The following ZCCHC24 variants were observed in gnomAD, a reference collection of about 807,000 sequenced individuals.
ZCCHC24 encodes zinc finger CCHC-type containing 24.
In ZCCHC24, 10 loss-of-function variants were observed where a neutral mutation model predicts 26.2. The ratio of observed to expected loss-of-function variants is 0.38; its 90% CI spans 0.24 to 0.65. The LOEUF is 0.65. Among genes scored for constraint, ZCCHC24 ranks in the 30% least tolerant of loss-of-function variants. The pLI, the probability that ZCCHC24 is intolerant of heterozygous loss-of-function variation, is 0.54. For synonymous variants in ZCCHC24, 144 were observed against 147.1 expected (o/e 0.98, Z 0.15); for missense variants, 243 against 329.1 (o/e 0.74, Z 2.03).
At chr10:79,416,786 C>T (rs1856867188) in intron 2 of ZCCHC24, among the ~76,000 whole-genome samples, 1 of 152,186 alleles carries the variant, frequency 6.6e-6, no homozygotes, top group South Asian at 2.1e-4. Context: ...CTCTGTGCCT[C>T]AGTTTCCTCC....
At chr10:79,416,198 G>A (rs10824754) in intron 2 of ZCCHC24, among the ~76,000 whole-genome samples, 43,768 of 152,038 alleles carry the variant, frequency 0.29, 6,842 homozygotes, top group South Asian at 0.42. Context: ...AGACCTACAC[G>A]GCAGCCTAGA....
intron 2 of ZCCHC24, among the ~76,000 whole-genome samples, chr10:79,417,722 G>A (rs1337270887): frequency 3.3e-5 from 5 of 152,198 alleles, no homozygotes; most frequent in African/African-American, 4.8e-5. Flanking sequence ...CAAATGAGAC[G>A]AAGGTGCTCC....
rs1244877851 is a variant in ZCCHC24, at chr10:79,386,295, C to T, written c.*50G>A. On this transcript the variant is annotated 3_prime_UTR_variant, in exon 4 of 4. Transcript: ENST00000372336. ...CCCTCGGAGTAGCACAGGGAAGCAG[C>T]GTCTCCTCGGGCTGGCGGGGGGTGG... 1.2e-5 allele frequency: 18 copies of T among 1,551,584 alleles called. No individual in the cohort carries two copies. Among genetic ancestry groups the T allele is most frequent in the African/African-American group, 5.4e-5 (4 of 73,862 alleles).
chr10:79,434,134 G>A (rs1418222894), intron 1 of ZCCHC24, among the ~76,000 whole-genome samples: 6 of 152,146 alleles, frequency 3.9e-5, no homozygotes, highest in Non-Finnish European at 8.8e-5. Context: ...GTTCCGTCTC[G>A]TGTGCATCTG....
At chr10:79,413,759 CATGTGT>C (rs1856823489) in intron 2 of ZCCHC24, among the ~76,000 whole-genome samples, 1 of 73,276 alleles carries the variant, frequency 1.4e-5, no homozygotes. Flanking sequence ...TGTGCGTGCG[CATGTGT>C]GTGTGTGTGT....
rs186609576 is a variant in ZCCHC24, at chr10:79,401,295, G to A, written c.448-6855C>T. Among the ~76,000 whole-genome samples, 358 of 152,350 alleles carry A rather than the reference G, an allele frequency of 2.3e-3. 1 individual carries two copies. The highest frequency in any genetic ancestry group is 8.1e-3 in the African/African-American group (335 of 41,572). ...GCAGGCCTGTGCCCTGCCAAACCCT[G>A]GGATGGAGAAATCACTGTTGCTCCA... On this transcript the variant is annotated intron_variant, in intron 2 of 3. Coordinates refer to ENST00000372336, the MANE Select transcript of ZCCHC24 (RefSeq NM_153367.4).
At chr10:79,438,111 G>A (rs989653149) in intron 1 of ZCCHC24, among the ~76,000 whole-genome samples, 32 of 152,156 alleles carry the variant, frequency 2.1e-4, no homozygotes, top group Non-Finnish European at 3.8e-4. Flanking sequence ...CCAGGCCTGA[G>A]AAGGCCCCGG....
At chr10:79,399,465 C>G (rs1436345948) in intron 2 of ZCCHC24, among the ~76,000 whole-genome samples, 1 of 152,248 alleles carries the variant, frequency 6.6e-6, no homozygotes, top group African/African-American at 2.4e-5. Context: ...GCCCCTGCCA[C>G]GTACCCCTCT....
intron 2 of ZCCHC24, among the ~76,000 whole-genome samples, chr10:79,422,039 T>C (rs1010761346): frequency 1.3e-5 from 2 of 152,218 alleles, no homozygotes; most frequent in African/African-American, 4.8e-5. Flanking sequence ...TGTTAAACTT[T>C]ATAAGCCTGA....
intron 2 of ZCCHC24, among the ~76,000 whole-genome samples, chr10:79,400,264 G>T (rs1856611228): frequency 6.6e-6 from 1 of 152,208 alleles, no homozygotes; most frequent in East Asian, 1.9e-4. Context: ...GCGGACAAAA[G>T]GGGTGTTCAA....
At chr10:79,404,414 G>A (rs1856680719) in intron 2 of ZCCHC24, among the ~76,000 whole-genome samples, 1 of 152,178 alleles carries the variant, frequency 6.6e-6, no homozygotes. Context: ...GCGGAGGGGC[G>A]GGAGGGGAAG....
At chr10:79,397,128 G>C (rs1856557404) in intron 2 of ZCCHC24, among the ~76,000 whole-genome samples, 1 of 152,234 alleles carries the variant, frequency 6.6e-6, no homozygotes, top group Admixed American at 6.5e-5. Context: ...ATTAAGAGGG[G>C]ACATACGTGC....
At chr10:79,390,556 G>A (rs1301235228) in intron 3 of ZCCHC24, among the ~76,000 whole-genome samples, 2 of 152,248 alleles carry the variant, frequency 1.3e-5, no homozygotes, top group African/African-American at 4.8e-5. Flanking sequence ...TGACCCCATG[G>A]TGGGAGTTCC....
rs1376535642 is a variant in ZCCHC24 at position 79,428,411 on chromosome 10, AATTTCAGTTTTGCAAG to A, written c.447+4131_447+4146del. Among the ~76,000 whole-genome samples the A allele has an allele frequency of 3.8e-3, 113 of 29,944 alleles. 4 individuals are homozygous for A. Among genetic ancestry groups the A allele is most frequent in the Non-Finnish European group, 7.0e-3 (92 of 13,058 alleles). The allele number at this position is 29,944 out of a possible 152,430, so 19.6% of individuals were successfully genotyped here. A position where few individuals can be genotyped will look rare whatever the true frequency, so the allele number is the denominator to read the frequency against. On this transcript the variant is annotated intron_variant, in intron 2 of 3. Coordinates refer to ENST00000372336, the MANE Select transcript of ZCCHC24 (RefSeq NM_153367.4). ...TACAGTATTTCAGTTTTGCAAGATA[AATTTCAGTTTTGCAAG>A]ATAAATTTCAGTTTTGCAAGATAAA...
At chr10:79,425,918 T>C (rs546977431) in intron 2 of ZCCHC24, among the ~76,000 whole-genome samples, 4 of 152,330 alleles carry the variant, frequency 2.6e-5, no homozygotes, top group Admixed American at 2.0e-4. Flanking sequence ...AGTGCTGACA[T>C]TGGCCGGACC....
Position 79,432,569 on chromosome 10 carries a change from C to T in ZCCHC24, c.436G>A (p.Asp146Asn), listed in dbSNP as rs1160651981. ...CAGGGCTGCCTTACCTGGGGGCAGT[C>T]CTTGATGTAGTGTCCTTTGTTGAAG... is the stretch of plus-strand genomic sequence containing the variant. The part of the protein sequence containing the change: ...LCFNKGHYIK[D>N]CPQARPKGEG... Residue 146 changes from aspartate to asparagine, a missense_variant, in exon 2 of 4, where the codon GAC becomes AAC. Coordinates refer to ENST00000372336, the MANE Select transcript of ZCCHC24 (RefSeq NM_153367.4). 2 of 1,597,724 alleles carry T rather than the reference C, an allele frequency of 1.3e-6. No individual in the cohort carries two copies. Among genetic ancestry groups the T allele is most frequent in the Non-Finnish European group, 8.5e-7 (1 of 1,172,112 alleles).
intron 2 of ZCCHC24, among the ~76,000 whole-genome samples, chr10:79,432,227 C>T (rs1857139778): frequency 6.6e-6 from 1 of 152,222 alleles, no homozygotes; most frequent in Admixed American, 6.5e-5. Context: ...GGAGACTGCC[C>T]CCTCAGAACA....
intron 2 of ZCCHC24, among the ~76,000 whole-genome samples, chr10:79,431,778 A>T (rs1442749632): frequency 6.6e-6 from 1 of 152,210 alleles, no homozygotes; most frequent in Non-Finnish European, 1.5e-5. Context: ...CCACATTATA[A>T]AAAAAGTTGG....
rs561884774 is a variant in ZCCHC24 at position 79,423,581 on chromosome 10, C to CTATATATATATATATATATATATATA, written c.447+8951_447+8976dup. 1.3e-3 allele frequency among the ~76,000 whole-genome samples: 68 copies of CTATATATATATATATATATATATATA among 53,706 alleles called. 1 individual carries two copies. The highest frequency in any genetic ancestry group is 5.2e-3 in the African/African-American group (68 of 12,966). The allele number at this position is 53,706 out of a possible 152,430, so 35.2% of individuals were successfully genotyped here. A position where few individuals can be genotyped will look rare whatever the true frequency, so the allele number is the denominator to read the frequency against. On this transcript the variant is annotated intron_variant, in intron 2 of 3. Coordinates refer to ENST00000372336, the MANE Select transcript of ZCCHC24 (RefSeq NM_153367.4). ...AACAAAAACAAACAAAATATATATACTATATATATATATATATATATATAT... is the reference window on the plus strand; with the variant it reads ...AACAAAAACAAACAAAATATATATACTATATATATATATATATATATATATATATATATATATATATATATATATAT...
Sources: allele counts gnomAD v4.1 joint callset (sites outside exome capture counted in the v4.1 genomes callset), GRCh38; gene constraint gnomAD v4.1.1; transcripts MANE v1.5; gene names NCBI Gene and HGNC (gene_info 2026-07-23, HGNC 2026-07-21).